RAD51B: variants seen among roughly 807,000 people sequenced by gnomAD.
RAD51B encodes DNA repair protein RAD51 homolog 2.
In RAD51B, 38 loss-of-function variants were observed where a neutral mutation model predicts 42.2. That is an observed-to-expected ratio of 0.90 (90% CI 0.70 to 1.18). RAD51B has a LOEUF of 1.18. RAD51B is among the 50% of genes most tolerant of loss of function. The probability of loss-of-function intolerance (pLI) is 0.00; values close to 1 mark genes in which losing one functional copy is unlikely to be tolerated. For synonymous variants in RAD51B, 154 were observed against 145.2 expected (o/e 1.06, Z -0.43); for missense variants, 373 against 400.7 (o/e 0.93, Z 0.59).
chr14:68,497,019 C>T, intron 10 of RAD51B: 1 of 1,143,664 alleles, frequency 8.7e-7, no homozygotes, highest in Non-Finnish European at 1.2e-6. Flanking sequence ...AACTTTTTTC[C>T]CCATAACTTC....
At chr14:68,582,522 C>T (rs1210091890) in intron 10 of RAD51B, among the ~76,000 whole-genome samples, 2 of 152,036 alleles carry the variant, frequency 1.3e-5, no homozygotes, top group Non-Finnish European at 2.9e-5. Flanking sequence ...CTGTAGAGGA[C>T]GGGAGAAATA....
chr14:68,557,968 C>T (rs980033871), intron 10 of RAD51B, among the ~76,000 whole-genome samples: 3 of 152,128 alleles, frequency 2.0e-5, no homozygotes, highest in Non-Finnish European at 4.4e-5. Flanking sequence ...GGGGAGAATT[C>T]CTGTGTACCA....
chr14:68,632,642 T>C (rs896942990), intron 10 of RAD51B, among the ~76,000 whole-genome samples: 6 of 152,202 alleles, frequency 3.9e-5, no homozygotes, highest in Non-Finnish European at 7.4e-5. Flanking sequence ...AACTTATTCT[T>C]GACCTAACAC....
intron 10 of RAD51B, among the ~76,000 whole-genome samples, chr14:68,520,338 A>G (rs1886488093): frequency 6.6e-6 from 1 of 152,192 alleles, no homozygotes; most frequent in Admixed American, 6.5e-5. Flanking sequence ...GATTATAGGC[A>G]AGTAAATTAT....
At chr14:68,119,042 G>A (rs1032516570) in intron 7 of RAD51B, among the ~76,000 whole-genome samples, 3 of 151,430 alleles carry the variant, frequency 2.0e-5, no homozygotes, top group Admixed American at 2.0e-4. Context: ...CTGCAGCCTC[G>A]ACCTCCCTGG....
At chr14:68,622,907 C>A (rs1322092789) in intron 10 of RAD51B, among the ~76,000 whole-genome samples, 1 of 152,072 alleles carries the variant, frequency 6.6e-6, no homozygotes, top group Non-Finnish European at 1.5e-5. Flanking sequence ...CACCCTCAGA[C>A]TGCACCATGG....
intron 10 of RAD51B, among the ~76,000 whole-genome samples, chr14:68,649,579 T>C (rs1325621361): frequency 6.6e-6 from 1 of 152,224 alleles, no homozygotes; most frequent in African/African-American, 2.4e-5. Flanking sequence ...AAATGATGTA[T>C]TTATCTTACT....
chr14:68,192,927 GTTGA>G (rs2140908569), intron 7 of RAD51B, among the ~76,000 whole-genome samples: 1 of 152,270 alleles, frequency 6.6e-6, no homozygotes, highest in Admixed American at 6.5e-5. Flanking sequence ...TTTCAAATGT[GTTGA>G]TTGTCAGCTT....
chr14:68,133,959 G>A (rs1043796716), intron 7 of RAD51B, among the ~76,000 whole-genome samples: 1 of 152,008 alleles, frequency 6.6e-6, no homozygotes, highest in East Asian at 1.9e-4. Flanking sequence ...AACCAATATG[G>A]GTACAACCCA....
intron 7 of RAD51B, among the ~76,000 whole-genome samples, chr14:67,940,356 G>A (rs2045155197): frequency 6.6e-6 from 1 of 151,804 alleles, no homozygotes; most frequent in Non-Finnish European, 1.5e-5. Flanking sequence ...GGGATTACAG[G>A]CGTGAGCCAC....
intron 8 of RAD51B, among the ~76,000 whole-genome samples, chr14:68,394,803 C>T (rs1481171686): frequency 1.3e-5 from 2 of 152,234 alleles, no homozygotes; most frequent in Non-Finnish European, 2.9e-5. Flanking sequence ...CTGGGCTGAC[C>T]TCCCTGGGCT....
chr14:68,302,890 C>T (rs2081775180), intron 8 of RAD51B, among the ~76,000 whole-genome samples: 2 of 152,182 alleles, frequency 1.3e-5, no homozygotes, highest in South Asian at 4.1e-4. Flanking sequence ...GCCCTCATTC[C>T]CATAAACCCA....
At chr14:67,918,804 A>T (rs2044236201) in intron 7 of RAD51B, among the ~76,000 whole-genome samples, 1 of 152,216 alleles carries the variant, frequency 6.6e-6, no homozygotes, top group Admixed American at 6.5e-5. Flanking sequence ...ACAAACATAG[A>T]TTTCTAATTC....
intron 7 of RAD51B, among the ~76,000 whole-genome samples, chr14:68,227,079 A>G (rs1325607306): frequency 2.0e-5 from 3 of 152,218 alleles, no homozygotes; most frequent in African/African-American, 7.2e-5. Flanking sequence ...CTTTCCAGGC[A>G]TGTAGATGTC....
Position 68,271,096 on chromosome 14 carries a change from C to T in RAD51B, c.757-20788C>T, listed in dbSNP as rs554075880. Among the ~76,000 whole-genome samples, 7 of 152,298 alleles carry T rather than the reference C, an allele frequency of 4.6e-5. No homozygotes were observed. The South Asian group carries it at 1.2e-3, about 27-fold the overall frequency. On this transcript the variant is annotated intron_variant, in intron 7 of 10. Transcript: ENST00000471583. ...CCTATTCCCACACCTTAAGCTAAATCTCCCTTACCCTAGTTTGTTTCCCAT... is the reference window on the plus strand; with the variant it reads ...CCTATTCCCACACCTTAAGCTAAATTTCCCTTACCCTAGTTTGTTTCCCAT...
At chr14:68,173,959 A>G (rs930707721) in intron 7 of RAD51B, among the ~76,000 whole-genome samples, 2 of 152,206 alleles carry the variant, frequency 1.3e-5, no homozygotes, top group Non-Finnish European at 2.9e-5. Context: ...TCTGCAGGGC[A>G]TCTTTGTAAT....
At chr14:68,062,701 C>T (rs1466779532) in intron 7 of RAD51B, among the ~76,000 whole-genome samples, 1 of 150,922 alleles carries the variant, frequency 6.6e-6, no homozygotes. Context: ...CCTAGCTACT[C>T]AGGAGGCTGA....
intron 10 of RAD51B, chr14:68,594,346 C>G (rs750612435): frequency 1.4e-6 from 1 of 711,702 alleles, no homozygotes; most frequent in Non-Finnish European, 2.1e-6. Context: ...ACATGTCTAC[C>G]GTTATGTACA....
intron 10 of RAD51B, chr14:68,541,264 C>G: frequency 2.0e-6 from 2 of 985,440 alleles, no homozygotes; most frequent in African/African-American, 3.5e-5. Flanking sequence ...TTAAGTTCTT[C>G]AAATCTGACA....
Sources: gnomAD v4.1 joint callset for allele counts (sites outside exome capture counted in the v4.1 genomes callset) on GRCh38, gnomAD v4.1.1 for gene constraint, MANE v1.5 for transcripts, NCBI Gene and HGNC (gene_info 2026-07-23, HGNC 2026-07-21) for gene names.